The following COMMD10 variants were observed in gnomAD, a reference collection of about 807,000 sequenced individuals.
The protein encoded by COMMD10 is COMM domain containing 10.
A neutral mutation model predicts 28.9 loss-of-function variants in COMMD10; 33 were observed. The observed-to-expected ratio is 1.14, with a 90% CI of 0.87 to 1.53. The LOEUF (loss-of-function observed/expected upper bound fraction) is 1.53, where lower values mean the gene tolerates loss of function less well. COMMD10 is among the 40% of genes most tolerant of loss of function. The pLI, the probability that COMMD10 is intolerant of heterozygous loss-of-function variation, is 0.00. For missense variants in COMMD10, 310 were observed against 233.4 expected (o/e 1.33, Z -2.14); for synonymous variants, 110 against 81.7 (o/e 1.35, Z -1.87).
intron 5 of COMMD10, among the ~76,000 whole-genome samples, chr5:116,144,357 G>C (rs1475305984): frequency 1.3e-5 from 2 of 151,796 alleles, no homozygotes; most frequent in Non-Finnish European, 2.9e-5. Flanking sequence ...GGGTCAGAGA[G>C]AGAAGATAAT....
chr5:116,229,972 A>C (rs1458325530), intron 5 of COMMD10, among the ~76,000 whole-genome samples: 1 of 151,908 alleles, frequency 6.6e-6, no homozygotes, highest in Non-Finnish European at 1.5e-5. Flanking sequence ...CCCCCCAAAA[A>C]AAAATCAAGA....
chr5:116,220,425 C>A (rs1030359244), intron 5 of COMMD10, among the ~76,000 whole-genome samples: 4 of 151,310 alleles, frequency 2.6e-5, no homozygotes, highest in African/African-American at 7.3e-5. Flanking sequence ...TTCTTTCATT[C>A]CATTTTTTTT....
At chr5:116,106,595 C>G (rs942049770) in intron 4 of COMMD10, among the ~76,000 whole-genome samples, 1 of 152,096 alleles carries the variant, frequency 6.6e-6, no homozygotes, top group African/African-American at 2.4e-5. Flanking sequence ...GTTAAAGTCT[C>G]TCACTATTAT....
At position 116,216,683 on chromosome 5, in the gene COMMD10, G is replaced by A. The variant is rs148875962; in HGVS notation, c.511-74834G>A. On this transcript the variant is annotated intron_variant, in intron 5 of 6. Transcript: ENST00000274458. ...CGAGTAGCTGGGACTACAGGTGTGC[G>A]CCACCACGCCCAGCTTATTTTTGCA... Among the ~76,000 whole-genome samples, 1,309 of 152,060 alleles carry A rather than the reference G, an allele frequency of 8.6e-3. 19 individuals are homozygous for A. Among genetic ancestry groups the A allele is most frequent in the African/African-American group, 0.03 (1,240 of 41,448 alleles).
intron 2 of COMMD10, 29 bp downstream of exon 2, chr5:116,087,616 T>C: frequency 7.2e-7 from 1 of 1,389,376 alleles, no homozygotes; most frequent in Non-Finnish European, 1.0e-6. Context: ...CCATGCCTTG[T>C]AATCTTCCTT....
chr5:116,220,845 C>T (rs1487997123), intron 5 of COMMD10, among the ~76,000 whole-genome samples: 2 of 151,994 alleles, frequency 1.3e-5, no homozygotes, highest in African/African-American at 4.8e-5. Context: ...ATGAAACCCT[C>T]CCTATAAACT....
chr5:116,134,912 C>T (rs113681025), intron 5 of COMMD10, among the ~76,000 whole-genome samples: 148 of 150,408 alleles, frequency 9.8e-4, no homozygotes, highest in African/African-American at 3.3e-3. Context: ...TGAGCCACCG[C>T]GCCCGGCCTA....
chr5:116,256,886 T>G lies in COMMD10; in HGVS notation c.511-34631T>G, dbSNP rs148208334. ...TGGTGTTTGGCATCACTGTCATTCC[T>G]GACTCTGAATTTGTATGCTACTGAT... On this transcript the variant is annotated intron_variant, in intron 5 of 6. Coordinates refer to ENST00000274458, the MANE Select transcript of COMMD10 (RefSeq NM_016144.4). Among the ~76,000 whole-genome samples, 20 of 151,888 alleles carry G rather than the reference T, an allele frequency of 1.3e-4. No individual in the cohort carries two copies. The East Asian group carries it at 3.5e-3, about 26-fold the overall frequency.
chr5:116,153,183 G>A (rs867316631), intron 5 of COMMD10, among the ~76,000 whole-genome samples: 3 of 152,030 alleles, frequency 2.0e-5, no homozygotes, highest in Non-Finnish European at 4.4e-5. Context: ...TCTTACATAG[G>A]TTAAGATACA....
rs1214316199 is a variant in COMMD10, at chr5:116,235,839, T to A, written c.511-55678T>A. Among the ~76,000 whole-genome samples, 3 of 152,172 alleles carry A rather than the reference T, an allele frequency of 2.0e-5. No individual in the cohort carries two copies. In the East Asian group the frequency reaches 5.8e-4, roughly 29 times the overall value. ...AAGAGAATATATTTGGATTCAAGTA[T>A]TTTATTCATTCAGTTCGCTTGATAC... On this transcript the variant is annotated intron_variant, in intron 5 of 6. Transcript: ENST00000274458.
intron 6 of COMMD10, among the ~76,000 whole-genome samples, 186 bp from the exon 7 acceptor site, chr5:116,292,265 A>G (rs1424784360): frequency 6.6e-6 from 1 of 152,112 alleles, no homozygotes; most frequent in African/African-American, 2.4e-5. Flanking sequence ...TCAAGCACAA[A>G]TTCTAATATC....
intron 5 of COMMD10, among the ~76,000 whole-genome samples, chr5:116,268,292 A>G (rs1349008001): frequency 1.3e-5 from 2 of 151,854 alleles, no homozygotes; most frequent in East Asian, 1.9e-4. Context: ...TGGGTGAAGG[A>G]TATGAACAGA....
intron 5 of COMMD10, among the ~76,000 whole-genome samples, chr5:116,245,092 C>G (rs183625382): frequency 1.3e-5 from 2 of 150,692 alleles, no homozygotes; most frequent in Non-Finnish European, 3.0e-5. Flanking sequence ...ACTAGCTAGA[C>G]TAATAAAGAA....
chr5:116,135,845 A>G (rs959036606), intron 5 of COMMD10, among the ~76,000 whole-genome samples: 2 of 152,168 alleles, frequency 1.3e-5, no homozygotes, highest in African/African-American at 4.8e-5. Context: ...CAGGGGGACT[A>G]CTGTGTGCTC....
At chr5:116,190,624 T>A (rs1358895000) in intron 5 of COMMD10, among the ~76,000 whole-genome samples, 1 of 152,246 alleles carries the variant, frequency 6.6e-6, no homozygotes, top group African/African-American at 2.4e-5. Context: ...AAATGCTAAA[T>A]CATCTTGAGT....
chr5:116,166,432 T>C (rs1216644482), intron 5 of COMMD10, among the ~76,000 whole-genome samples: 2 of 152,138 alleles, frequency 1.3e-5, no homozygotes, highest in African/African-American at 4.8e-5. Flanking sequence ...ATGTAATGCA[T>C]TGAAATAAAT....
intron 5 of COMMD10, among the ~76,000 whole-genome samples, chr5:116,140,231 A>C (rs2136205): frequency 6.8e-6 from 1 of 146,990 alleles, no homozygotes. Flanking sequence ...TCATACTACT[A>C]TGTGTGTGTG....
At chr5:116,286,245 C>G (rs937805348) in intron 5 of COMMD10, among the ~76,000 whole-genome samples, 1 of 150,342 alleles carries the variant, frequency 6.7e-6, no homozygotes, top group Non-Finnish European at 1.5e-5. Context: ...TTGGGTCTTC[C>G]TTCTTTTTTT....
chr5:116,088,657 C>T (rs1046989725), intron 2 of COMMD10, among the ~76,000 whole-genome samples: 3 of 152,170 alleles, frequency 2.0e-5, no homozygotes, highest in Non-Finnish European at 4.4e-5. Context: ...TGAACTTTTT[C>T]AGCAATGTGT....
Sources: allele counts gnomAD v4.1 joint callset (sites outside exome capture counted in the v4.1 genomes callset), GRCh38; gene constraint gnomAD v4.1.1; transcripts MANE v1.5; gene names NCBI Gene and HGNC (gene_info 2026-07-23, HGNC 2026-07-21).